The following ALPK2 variants were observed in gnomAD, a reference collection of about 807,000 sequenced individuals.
The protein encoded by ALPK2 is alpha-protein kinase 2.
In ALPK2, 127 loss-of-function variants were observed where a neutral mutation model predicts 163.1. The observed-to-expected ratio is 0.78, with a 90% confidence interval of 0.67 to 0.90. The LOEUF is 0.90. Among genes scored for constraint, ALPK2 ranks in the 40% least tolerant of loss-of-function variants. The probability of loss-of-function intolerance (pLI) is 0.00; values close to 1 mark genes in which losing one functional copy is unlikely to be tolerated. For missense variants in ALPK2, 2,360 were observed against 2,589.6 expected, an observed-to-expected ratio of 0.91 and a Z score of 1.92; for synonymous variants, 953 against 959.1, an observed-to-expected ratio of 0.99 and a Z score of 0.12.
intron 12 of ALPK2, among the ~76,000 whole-genome samples, chr18:58,489,141 C>T (rs1159553585): frequency 6.6e-6 from 1 of 152,034 alleles, no homozygotes; most frequent in Admixed American, 6.6e-5. Context: ...ACAAGAGTTC[C>T]TACAGGAAAG....
At chr18:58,572,288 A>G (rs1421178754) in intron 4 of ALPK2, among the ~76,000 whole-genome samples, 1 of 152,204 alleles carries the variant, frequency 6.6e-6, no homozygotes, top group Non-Finnish European at 1.5e-5. Flanking sequence ...GCCCTCATAC[A>G]TTGCTGATGG....
chr18:58,588,795 G>A (rs1213755616), intron 3 of ALPK2, among the ~76,000 whole-genome samples: 9 of 152,120 alleles, frequency 5.9e-5, no homozygotes, highest in South Asian at 2.1e-4. Flanking sequence ...GTAGTATTCC[G>A]TGGTGTATAT....
At chr18:58,625,674 A>C (rs1454194770) in intron 1 of ALPK2, among the ~76,000 whole-genome samples, 1 of 152,252 alleles carries the variant, frequency 6.6e-6, no homozygotes, top group Non-Finnish European at 1.5e-5. Context: ...GTTTAAGAGC[A>C]GGGGCCTGGT....
At chr18:58,618,811 C>T (rs2052183551) in intron 1 of ALPK2, among the ~76,000 whole-genome samples, 1 of 152,208 alleles carries the variant, frequency 6.6e-6, no homozygotes, top group African/African-American at 2.4e-5. Context: ...ATCCCCCTTC[C>T]CCTACCCTCA....
At chr18:58,626,114 T>C (rs1031955244) in intron 1 of ALPK2, among the ~76,000 whole-genome samples, 2 of 152,202 alleles carry the variant, frequency 1.3e-5, no homozygotes, top group Non-Finnish European at 1.5e-5. Flanking sequence ...TGAACCTGTC[T>C]GTAACCGAAG....
intron 12 of ALPK2, among the ~76,000 whole-genome samples, chr18:58,493,896 TTTTC>T (rs1187398171): frequency 1.3e-5 from 2 of 152,200 alleles, no homozygotes; most frequent in Non-Finnish European, 2.9e-5. Context: ...CTAATGGTAC[TTTTC>T]TTTGTTTTAT....
At chr18:58,555,183 C>A (rs1165268874) in intron 4 of ALPK2, among the ~76,000 whole-genome samples, 1 of 152,214 alleles carries the variant, frequency 6.6e-6, no homozygotes, top group Non-Finnish European at 1.5e-5. Context: ...CAGAAAACTG[C>A]AAGTTCGAGT....
chr18:58,566,061 G>A (rs1176655914), intron 4 of ALPK2, among the ~76,000 whole-genome samples: 1 of 152,140 alleles, frequency 6.6e-6, no homozygotes, highest in Non-Finnish European at 1.5e-5. Context: ...GATTATAGGC[G>A]TGAGCCACTG....
intron 4 of ALPK2, among the ~76,000 whole-genome samples, chr18:58,573,701 T>G (rs189475944): frequency 6.9e-6 from 1 of 145,238 alleles, no homozygotes; most frequent in Non-Finnish European, 1.5e-5. Context: ...CATAGGATAA[T>G]AGTGGAGAGA....
At chr18:58,580,830 C>G (rs2051955091) in intron 3 of ALPK2, 1 of 414,170 alleles carries the variant, frequency 2.4e-6, no homozygotes, top group South Asian at 3.4e-5. Flanking sequence ...TTTACAAATG[C>G]CATGGCAGGG....
At chr18:58,582,744 C>T (rs764287719) in intron 3 of ALPK2, among the ~76,000 whole-genome samples, 12 of 151,678 alleles carry the variant, frequency 7.9e-5, no homozygotes, top group African/African-American at 2.4e-4. Context: ...TAAATCAATA[C>T]GTATAAGGTG....
intron 5 of ALPK2, among the ~76,000 whole-genome samples, chr18:58,531,935 CAAAAAAAAA>C (rs35957271): frequency 7.7e-4 from 38 of 49,616 alleles, no homozygotes; most frequent in Admixed American, 1.9e-3. Context: ...GGCTCCGTCT[CAAAAAAAAA>C]AAAAAAAAAA....
intron 3 of ALPK2, chr18:58,600,498 G>A (rs1244270744): frequency 6.6e-6 from 1 of 152,190 alleles, no homozygotes; most frequent in Non-Finnish European, 1.5e-5. Flanking sequence ...CAGGTGACAA[G>A]CACTTACAAA....
chr18:58,526,521 A>G (rs2051585980), intron 6 of ALPK2, among the ~76,000 whole-genome samples: 3 of 152,274 alleles, frequency 2.0e-5, no homozygotes, highest in Admixed American at 2.0e-4. Context: ...GGGCCGCTCT[A>G]CGTGGACAGC....
chr18:58,553,838 GT>G (rs146212342), intron 4 of ALPK2, among the ~76,000 whole-genome samples: 18 of 118,426 alleles, frequency 1.5e-4, no homozygotes, highest in African/African-American at 2.2e-4. Flanking sequence ...AGCAGTTGGG[GT>G]TTTTTTTTTG....
In ALPK2 at chr18:58,578,726, A is replaced by C. The variant is rs2051934674; in HGVS notation, c.1962+88T>G. On this transcript the variant is annotated intron_variant, in intron 4 of 12. Transcript: ENST00000361673. Reference sequence around the variant, plus strand: ...TATAGCAATTGTGAATGTGAAGTAAAGGAAGAGACACACACACACACACAC... The same window carrying C: ...TATAGCAATTGTGAATGTGAAGTAACGGAAGAGACACACACACACACACAC... 7.0e-6 allele frequency: 3 copies of C among 426,686 alleles called. No homozygotes were observed. In the Admixed American group the frequency reaches 1.6e-4, roughly 22 times the overall value. 26.4% of individuals were successfully genotyped at this position (426,686 alleles called of 1,614,324 possible). A position where few individuals can be genotyped will look rare whatever the true frequency, so the allele number is the denominator to read the frequency against.
In ALPK2 at chr18:58,482,037, T is replaced by C. The variant is rs774616862; in HGVS notation, c.6299A>G (p.Tyr2100Cys). 1 of 1,611,834 alleles carries C rather than the reference T, an allele frequency of 6.2e-7. No individual in the cohort carries two copies. Among genetic ancestry groups the C allele is most frequent in the South Asian group, 1.1e-5 (1 of 90,920 alleles). Residue 2100 changes from tyrosine (Y) to cysteine (C), a missense_variant and splice_region_variant, in exon 13 of 13, where the codon TAC becomes TGC. Physicochemically the swap from Tyr to Cys is radical, Grantham distance 194 (BLOSUM62 -2). Transcript: ENST00000361673. ...GGAACAGTTGCCTTTAAATCCCTTGTACCTGTGAGTTTGGGTGGAAGGAAA... is the reference window on the plus strand; with the variant it reads ...GGAACAGTTGCCTTTAAATCCCTTGCACCTGTGAGTTTGGGTGGAAGGAAA... ...DVGIATLAKG[Y>C]KGFKGNCSMT...
At chr18:58,600,520 C>T (rs952175290) in intron 3 of ALPK2, 1 of 152,328 alleles carries the variant, frequency 6.6e-6, no homozygotes, top group African/African-American at 2.4e-5. Flanking sequence ...AGCTCTCAAA[C>T]CAGAGTATCT....
chr18:58,588,459 G>A (rs918311905), intron 3 of ALPK2, among the ~76,000 whole-genome samples: 1 of 152,042 alleles, frequency 6.6e-6, no homozygotes, highest in Non-Finnish European at 1.5e-5. Flanking sequence ...AGGATGTGCA[G>A]GTTTCTTACA....
Sources: allele counts gnomAD v4.1 joint callset (sites outside exome capture counted in the v4.1 genomes callset), GRCh38; gene constraint gnomAD v4.1.1; transcripts MANE v1.5; gene names NCBI Gene and HGNC (gene_info 2026-07-23, HGNC 2026-07-21).